Variants in FGFR3 observed in about 807,000 individuals in gnomAD.
The protein encoded by FGFR3 is fibroblast growth factor receptor 3.
A neutral mutation model predicts 82.9 loss-of-function variants in FGFR3; 25 were observed. That is an observed-to-expected ratio of 0.30 (90% CI 0.22 to 0.42). The LOEUF is 0.42. Among genes scored for constraint, FGFR3 ranks in the 10% least tolerant of loss-of-function variants. FGFR3 has a pLI of 1.00. For synonymous variants in FGFR3, 620 were observed against 516.0 expected (o/e 1.20, Z -2.73); for missense variants, 1,026 against 1,161.0 (o/e 0.88, Z 1.69).
Position 1,801,900 on chromosome 4 carries a change from A to G in FGFR3, c.805A>G (p.Ser269Gly), listed in dbSNP as rs1241508464. 1 of 1,611,954 alleles carries G rather than the reference A, an allele frequency of 6.2e-7. No homozygotes were observed. Among genetic ancestry groups the G allele is most frequent in the Non-Finnish European group, 8.5e-7 (1 of 1,179,464 alleles). ...LPANQTAVLG[S>G]DVEFHCKVYS... ...GGCCAACCAGACGGCGGTGCTGGGCAGCGACGTGGAGTTCCACTGCAAGGT... is the reference window on the plus strand; with the variant it reads ...GGCCAACCAGACGGCGGTGCTGGGCGGCGACGTGGAGTTCCACTGCAAGGT... The change falls in exon 7 of 18, where the codon AGC becomes GGC. Residue 269 changes from serine (S) to glycine (G), a missense_variant. Around this residue, in one of 9 missense-constraint regions of FGFR3, gnomAD observed 147 missense variants for 228.1 expected, o/e 0.64. Transcript: ENST00000440486.
chr4:1,802,503 C>G (rs1721318142), intron 7 of FGFR3, among the ~76,000 whole-genome samples: 1 of 152,212 alleles, frequency 6.6e-6, no homozygotes, highest in African/African-American at 2.4e-5. Context: ...GTGGGGGCCA[C>G]TGAATTGGGA....
rs772639573 is a variant in FGFR3, at chr4:1,805,883, C to G, written c.1779C>G (p.Asp593Glu). ...CCGAGGAGCAGCTCACCTTCAAGGA[C>G]CTGGTGTCCTGTGCCTACCAGGTGG... ...KPPEEQLTFK[D>E]LVSCAYQVAR... The change falls in exon 13 of 18, where the codon GAC (aspartate) becomes GAG (glutamate). Residue 593 changes from aspartate (D) to glutamate (E), a missense_variant. Around this residue, in one of 9 missense-constraint regions of FGFR3, gnomAD observed 164 missense variants for 167.5 expected, o/e 0.98. Transcript: ENST00000440486. The G allele has an allele frequency of 6.2e-7, 1 of 1,612,808 alleles. No individual in the cohort carries two copies. The highest frequency in any genetic ancestry group is 2.2e-5 in the East Asian group (1 of 44,876).
intron 3 of FGFR3, 99 bp from the exon 4 acceptor site, chr4:1,799,648 A>T: frequency 6.4e-7 from 1 of 1,561,792 alleles, no homozygotes; most frequent in South Asian, 1.2e-5. Context: ...ACCCCCAGGA[A>T]GTGCTGCCCA....
In FGFR3 at chr4:1,795,037, C is replaced by G. The variant is rs907981461; in HGVS notation, c.109+994C>G. ...GGGCCGGGGAGGGCGCCTGGAGGGCCGAGGCAGATGGCGTCCGCCCCGCCC... is the reference window on the plus strand; with the variant it reads ...GGGCCGGGGAGGGCGCCTGGAGGGCGGAGGCAGATGGCGTCCGCCCCGCCC... On this transcript the variant is annotated intron_variant, in intron 2 of 17. Coordinates refer to ENST00000440486, the MANE Select transcript of FGFR3 (RefSeq NM_000142.5). Among the ~76,000 whole-genome samples the G allele has an allele frequency of 7.9e-4, 120 of 151,928 alleles. 1 individual carries two copies. The highest frequency in any genetic ancestry group is 2.9e-3 in the African/African-American group (120 of 41,482).
Position 1,799,593 on chromosome 4 carries a change from C to G in FGFR3, c.379+70C>G. On this transcript the variant is annotated intron_variant, in intron 3 of 17. Coordinates refer to ENST00000440486, the MANE Select transcript of FGFR3 (RefSeq NM_000142.5). ...GGGCTCCCTGAGTCCCTGCGTGGGT[C>G]AGGAGCGGCTGGGGGTCTCTCTGGT... 5 of 1,549,320 alleles carry G rather than the reference C, an allele frequency of 3.2e-6. No individual in the cohort carries two copies. In the South Asian group the frequency reaches 5.9e-5, roughly 18 times the overall value.
At chr4:1,806,212 C>A (rs2108808105) in intron 14 of FGFR3, 39 bp downstream of exon 14, 2 of 1,612,912 alleles carry the variant, frequency 1.2e-6, no homozygotes, top group Non-Finnish European at 1.7e-6. Flanking sequence ...GGGGTCATGC[C>A]AGTAGGACGC....
rs1722023037 is a variant in FGFR3 at position 1,807,062 on chromosome 4, G to T, written c.2275-54G>T. 9 of 1,553,086 alleles carry T rather than the reference G, an allele frequency of 5.8e-6. No homozygotes were observed. The African/African-American group carries it at 9.5e-5, about 16-fold the overall frequency. On this transcript the variant is annotated intron_variant, in intron 17 of 17. Coordinates refer to ENST00000440486, the MANE Select transcript of FGFR3 (RefSeq NM_000142.5). ...GGGGCACAGCCTGGGCACAGAGGTG[G>T]CTGTGCGAAGAGGGGCTCGGTGGCA...
At chr4:1,801,593 C>A (rs1317324713) in intron 5 of FGFR3, 27 bp from the exon 6 acceptor site, 1 of 1,595,870 alleles carries the variant, frequency 6.3e-7, no homozygotes, top group Admixed American at 1.7e-5. Flanking sequence ...TGCCTCCGCT[C>A]ACTCACCCGC....
At chr4:1,803,094 C>A in intron 7 of FGFR3, 1 of 1,532,550 alleles carries the variant, frequency 6.5e-7, no homozygotes, top group South Asian at 1.2e-5. Flanking sequence ...CCGGCCGGCA[C>A]AAGAGCTCCA....
At chr4:1,805,046 G>A (rs1010249297) in intron 10 of FGFR3, 77 bp downstream of exon 10, 37 of 1,486,206 alleles carry the variant, frequency 2.5e-5, no homozygotes, top group African/African-American at 1.8e-4. Context: ...TCAGAGGCCC[G>A]GCTGGGTTTA....
At chr4:1,799,661 T>G (rs1193596330) in intron 3 of FGFR3, 86 bp from the exon 4 acceptor site, 1 of 1,577,602 alleles carries the variant, frequency 6.3e-7, no homozygotes, top group Admixed American at 1.9e-5. Context: ...GCTGCCCAAA[T>G]GGGGGACCCT....
At chr4:1,797,883 T>C (rs1720704010) in intron 2 of FGFR3, among the ~76,000 whole-genome samples, 1 of 152,096 alleles carries the variant, frequency 6.6e-6, no homozygotes, top group Admixed American at 6.5e-5. Context: ...GAAGAGGGCC[T>C]GGCCGGGCAG....
rs754239704 is a variant in FGFR3 at position 1,807,202 on chromosome 4, C to T, written c.2361C>T (p.Ser787=). 1.7e-5 allele frequency: 28 copies of T among 1,608,174 alleles called. No individual in the cohort carries two copies. Among genetic ancestry groups the T allele is most frequent in the South Asian group, 5.5e-5 (5 of 90,190 alleles). ...GCTCCAGCTCCTCAGGGGACGACTC[C>T]GTGTTTGCCCACGACCTGCTGCCCC... The part of the protein sequence containing the change: ...TPSSSSSGDD[S]VFAHDLLPPA... Residue 787 remains serine (S), a synonymous_variant, in exon 18 of 18, where the codon TCC becomes TCT. Transcript: ENST00000440486.
rs367781042 is a variant in FGFR3, at chr4:1,805,491, G to T, written c.1534+15G>T. The T allele has an allele frequency of 1.0e-4, 169 of 1,612,020 alleles. No individual in the cohort carries two copies. The highest frequency in any genetic ancestry group is 1.4e-4 in the Non-Finnish European group (162 of 1,179,500). Reference sequence around the variant, plus strand: ...GATGCTGAAAGGTGAGGAGGGGGCGGCCAGGGGTGCAGAGCAGGGCTGGGG... The same window carrying T: ...GATGCTGAAAGGTGAGGAGGGGGCGTCCAGGGGTGCAGAGCAGGGCTGGGG... On this transcript the variant is annotated intron_variant, in intron 11 of 17. Transcript: ENST00000440486.
At position 1,807,562 on chromosome 4, in the gene FGFR3, G is replaced by T; in HGVS notation, c.*300G>T. On this transcript the variant is annotated 3_prime_UTR_variant, in exon 18 of 18. Coordinates refer to ENST00000440486, the MANE Select transcript of FGFR3 (RefSeq NM_000142.5). Reference sequence around the variant, plus strand: ...GTTCTGGGGGGACCCAGTGCAGAATGTAAGTGGGCCCACCCGGTGGGACCC... The same window carrying T: ...GTTCTGGGGGGACCCAGTGCAGAATTTAAGTGGGCCCACCCGGTGGGACCC... 1.4e-6 allele frequency: 1 copy of T among 706,860 alleles called. No individual in the cohort carries two copies. The highest frequency in any genetic ancestry group is 2.7e-5 in the East Asian group (1 of 37,300). 43.8% of individuals were successfully genotyped at this position (706,860 alleles called of 1,614,324 possible).
Position 1,807,860 on chromosome 4 carries a change from T to C in FGFR3, c.*598T>C, listed in dbSNP as rs1396253931. The C allele has an allele frequency of 7.0e-6, 3 of 427,636 alleles. No homozygotes were observed. Among genetic ancestry groups the C allele is most frequent in the South Asian group, 6.5e-5 (3 of 46,202 alleles). The allele number at this position is 427,636 out of a possible 1,614,324, so 26.5% of individuals were successfully genotyped here. ...GCAAAAGGTTTATTCCGGAAACTAG[T>C]GTACATTTCTATAAATAGATGCTGT... On this transcript the variant is annotated 3_prime_UTR_variant, in exon 18 of 18. Coordinates refer to ENST00000440486, the MANE Select transcript of FGFR3 (RefSeq NM_000142.5).
chr4:1,802,695 G>T (rs917690700), intron 7 of FGFR3, among the ~76,000 whole-genome samples: 1 of 152,156 alleles, frequency 6.6e-6, no homozygotes, highest in Non-Finnish European at 1.5e-5. Context: ...GTGACCAGAG[G>T]TTGTCTGAGG....
At chr4:1,803,041 T>C in intron 7 of FGFR3, 3 of 1,599,198 alleles carry the variant, frequency 1.9e-6, no homozygotes, top group Non-Finnish European at 2.6e-6. Context: ...GCCTTTTGGC[T>C]GAGCGTTCAC....
chr4:1,799,813 G>C lies in FGFR3; in HGVS notation c.445+1G>C, dbSNP rs1380628622. ...GCTGAGGACACAGGTGTGGACACAG[G>C]TAGGAGCAGGGTCCAGGGTTCAGGC... On this transcript the variant is annotated splice_donor_variant, in intron 4 of 17. Transcript: ENST00000440486. LOFTEE classifies it high-confidence loss of function. The C allele has an allele frequency of 6.2e-7, 1 of 1,612,564 alleles. No homozygotes were observed. Among genetic ancestry groups the C allele is most frequent in the East Asian group, 2.2e-5 (1 of 44,884 alleles).
Sources: allele counts gnomAD v4.1 joint callset (sites outside exome capture counted in the v4.1 genomes callset), GRCh38; gene constraint gnomAD v4.1.1; regional missense constraint gnomAD v4.1.1; transcripts MANE v1.5; gene names NCBI Gene and HGNC (gene_info 2026-07-23, HGNC 2026-07-21).